The following LETM2 variants were observed in gnomAD, a reference collection of about 807,000 sequenced individuals.
LETM2 encodes the protein leucine zipper and EF-hand containing transmembrane protein 2, also known as LETM1 domain-containing protein LETM2, mitochondrial.
Under a neutral mutation model 59.6 loss-of-function variants are expected in LETM2, and 58 were observed. The ratio of observed to expected loss-of-function variants is 0.97; its 90% CI spans 0.79 to 1.21. The LOEUF (loss-of-function observed/expected upper bound fraction) is 1.21. LETM2 is among the 50% of genes most tolerant of loss of function. The probability of loss-of-function intolerance (pLI) is 0.00; values close to 1 mark genes in which losing one functional copy is unlikely to be tolerated. For missense variants in LETM2, 572 were observed against 575.7 expected (o/e 0.99, Z 0.07); for synonymous variants, 199 against 214.1 (o/e 0.93, Z 0.62).
At chr8:38,396,171 T>TA (rs557464543) in intron 4 of LETM2, among the ~76,000 whole-genome samples, 31,849 of 150,788 alleles carry the variant, frequency 0.21, 3,532 homozygotes, top group East Asian at 0.3. Context: ...TTTATTTATT[T>TA]TTTTTTTTTT....
At chr8:38,401,384 G>A (rs547567889) in intron 6 of LETM2, among the ~76,000 whole-genome samples, 2 of 152,044 alleles carry the variant, frequency 1.3e-5, no homozygotes, top group African/African-American at 2.4e-5. Context: ...TGATCCACCC[G>A]CCTCAGCCTC....
In LETM2 at chr8:38,404,256, C is replaced by A. The variant is rs904988951; in HGVS notation, c.1105-137C>A. 4 of 630,242 alleles carry A rather than the reference C, an allele frequency of 6.3e-6. No homozygotes were observed. In the African/African-American group the frequency reaches 7.3e-5, roughly 12 times the overall value. 39.0% of individuals were successfully genotyped at this position (630,242 alleles called of 1,614,324 possible). A position where few individuals can be genotyped will look rare whatever the true frequency, so the allele number is the denominator to read the frequency against. ...GGCTGGGCTCTTGTCCGTGTTCTGC[C>A]GTGACTCATCACCTGAGCGGCTTGG... On this transcript the variant is annotated intron_variant, in intron 7 of 10. Coordinates refer to ENST00000379957, the MANE Select transcript of LETM2 (RefSeq NM_001286819.2).
chr8:38,408,017 C>T (rs1813871185), intron 10 of LETM2, 195 bp from the exon 11 acceptor site: 2 of 531,308 alleles, frequency 3.8e-6, no homozygotes, highest in South Asian at 4.1e-5. Context: ...TGGGGTAAGC[C>T]CAGAAAAGCA....
At chr8:38,391,181 C>CAAAAAAAAA (rs552521178) in intron 2 of LETM2, among the ~76,000 whole-genome samples, 4 of 51,848 alleles carry the variant, frequency 7.7e-5, no homozygotes, top group Non-Finnish European at 1.1e-4. Flanking sequence ...CCTCCTGTCT[C>CAAAAAAAAA]AAAAAAAAAA....
At chr8:38,404,547 A>G (rs781040579) in intron 8 of LETM2, 41 bp downstream of exon 8, 111 of 1,236,594 alleles carry the variant, frequency 9.0e-5, no homozygotes, top group South Asian at 4.7e-4. Flanking sequence ...CGTCCATCCA[A>G]CTGAGGCCTC....
Position 38,391,202 on chromosome 8 carries a change from A to AC in LETM2, c.48-1340_48-1339insC, listed in dbSNP as rs1335752213. On this transcript the variant is annotated intron_variant, in intron 2 of 10. Transcript: ENST00000379957. ...GTCTCAAAAAAAAAAAAAAAAACAA[A>AC]AAAAAAAACCAAAAAACTGAAAGAA... Among the ~76,000 whole-genome samples the AC allele has an allele frequency of 1.2e-3, 178 of 144,212 alleles. 1 individual carries two copies. The highest frequency in any genetic ancestry group is 4.0e-3 in the African/African-American group (152 of 37,808). 94.6% of individuals were successfully genotyped at this position (144,212 alleles called of 152,430 possible). A position where few individuals can be genotyped will look rare whatever the true frequency, so the allele number is the denominator to read the frequency against.
At chr8:38,400,498 C>A in intron 5 of LETM2, 89 bp downstream of exon 5, 1 of 1,279,060 alleles carries the variant, frequency 7.8e-7, no homozygotes, top group Admixed American at 2.5e-5. Context: ...AAATTGTTCA[C>A]CATCTTTGGA....
chr8:38,399,777 CAA>C (rs10683906), intron 4 of LETM2, among the ~76,000 whole-genome samples: 14 of 85,276 alleles, frequency 1.6e-4, no homozygotes, highest in Admixed American at 2.6e-4. Context: ...AACTCCATCT[CAA>C]AAAAAAAAAA....
At chr8:38,406,881 G>A (rs1006075954) in intron 8 of LETM2, 65 bp from the exon 9 acceptor site, 3 of 1,083,922 alleles carry the variant, frequency 2.8e-6, no homozygotes, top group Non-Finnish European at 4.2e-6. Flanking sequence ...ATTGACTACT[G>A]TAAAAGTTTC....
rs1813825915 is a variant in LETM2, at chr8:38,407,500, C to T, written c.1413+37C>T. The T allele has an allele frequency of 3.8e-6, 5 of 1,330,470 alleles. No individual in the cohort carries two copies. The African/African-American group carries it at 7.2e-5, about 19-fold the overall frequency. The allele number at this position is 1,330,470 out of a possible 1,614,324, so 82.4% of individuals were successfully genotyped here. A position where few individuals can be genotyped will look rare whatever the true frequency, so the allele number is the denominator to read the frequency against. On this transcript the variant is annotated intron_variant, in intron 10 of 10. Transcript: ENST00000379957. ...TAATAAATGAAAAAGAAAGAGAAGA[C>T]CCTTTCCCTCTAGTTATCTTTAAGG...
chr8:38,383,395 C>G (rs1162774290), upstream of LETM2: 1 of 152,178 alleles, frequency 6.6e-6, no homozygotes, highest in East Asian at 1.9e-4. Context: ...GAAACAGAGG[C>G]AGCAAGCAAA....
intron 3 of LETM2, chr8:38,393,655 C>T (rs1051928262): frequency 6.5e-6 from 1 of 153,048 alleles, no homozygotes; most frequent in Non-Finnish European, 1.5e-5. Flanking sequence ...AACAAACAAA[C>T]AAAAAAACAA....
chr8:38,403,400 T>C (rs1280916579), intron 7 of LETM2, among the ~76,000 whole-genome samples: 2 of 152,210 alleles, frequency 1.3e-5, no homozygotes, highest in Non-Finnish European at 2.9e-5. Flanking sequence ...CTGGCAAAAA[T>C]TTCAGTTCAA....
chr8:38,404,297 C>T (rs577312662), intron 7 of LETM2, 96 bp from the exon 8 acceptor site: 113 of 819,358 alleles, frequency 1.4e-4, no homozygotes, highest in Non-Finnish European at 2.0e-4. Flanking sequence ...AGGGCGGGGG[C>T]GGTGGGAAGC....
chr8:38,393,040 GAACTATTTGGGAACTC>G, intron 3 of LETM2, 45 bp downstream of exon 3: 1 of 1,470,192 alleles, frequency 6.8e-7, no homozygotes, highest in Non-Finnish European at 9.2e-7. Flanking sequence ...AAATTAAAAT[GAACTATTTGGGAACTC>G]AACTATTTAA....
intron 6 of LETM2, 72 bp from the exon 7 acceptor site, chr8:38,402,453 A>T: frequency 2.6e-6 from 4 of 1,550,858 alleles, no homozygotes; most frequent in South Asian, 2.2e-5. Context: ...GTTTCCACTG[A>T]TTTGCTGGAA....
At chr8:38,385,286 G>A (rs562126875), upstream of LETM2, among the ~76,000 whole-genome samples, 3 of 152,196 alleles carry the variant, frequency 2.0e-5, no homozygotes, top group Non-Finnish European at 4.4e-5. Context: ...TCTTAAAAAT[G>A]TGTAGCCCAG....
At chr8:38,407,502 C>G (rs1358979684) in intron 10 of LETM2, 39 bp downstream of exon 10, 2 of 1,327,312 alleles carry the variant, frequency 1.5e-6, no homozygotes, top group Non-Finnish European at 2.2e-6. Context: ...AGAGAAGACC[C>G]TTTCCCTCTA....
At chr8:38,403,860 A>G (rs913471554) in intron 7 of LETM2, among the ~76,000 whole-genome samples, 1 of 152,110 alleles carries the variant, frequency 6.6e-6, no homozygotes, top group Admixed American at 6.5e-5. Flanking sequence ...TTTTGTGCAT[A>G]TATTACTGAT....
Sources: allele counts gnomAD v4.1 joint callset (sites outside exome capture counted in the v4.1 genomes callset), GRCh38; gene constraint gnomAD v4.1.1; transcripts MANE v1.5; gene names NCBI Gene and HGNC (gene_info 2026-07-23, HGNC 2026-07-21).